The following ATRNL1 variants were observed in gnomAD, a reference collection of about 807,000 sequenced individuals.
ATRNL1 encodes attractin-like protein 1.
A neutral mutation model predicts 182.7 loss-of-function variants in ATRNL1; 95 were observed. That is an observed-to-expected ratio of 0.52 (90% confidence interval 0.44 to 0.62). ATRNL1 has a LOEUF of 0.62. Among genes scored for constraint, ATRNL1 ranks in the 20% least tolerant of loss-of-function variants. The probability of loss-of-function intolerance (pLI) is 0.00; values close to 1 mark genes in which losing one functional copy is unlikely to be tolerated. For synonymous variants in ATRNL1, 576 were observed against 568.3 expected (o/e 1.01, Z -0.19); for missense variants, 1,471 against 1,679.5 (o/e 0.88, Z 2.17).
At chr10:115,681,027 T>A (rs1593058077) in intron 26 of ATRNL1, among the ~76,000 whole-genome samples, 1 of 152,158 alleles carries the variant, frequency 6.6e-6, no homozygotes, top group Non-Finnish European at 1.5e-5. Flanking sequence ...TCTGCTTTAG[T>A]TGGCAGTCTA....
chr10:115,643,637 A>G (rs180930791), intron 26 of ATRNL1, among the ~76,000 whole-genome samples: 415 of 152,306 alleles, frequency 2.7e-3, no homozygotes, highest in African/African-American at 9.4e-3. Context: ...AAAAGATTTG[A>G]GTAGACACTT....
At chr10:115,394,546 A>C in intron 19 of ATRNL1, 113 bp from the exon 20 acceptor site, 1 of 767,266 alleles carries the variant, frequency 1.3e-6, no homozygotes, top group Non-Finnish European at 2.2e-6. Context: ...TAGTTTTTGG[A>C]TGGCAAGAGG....
intron 19 of ATRNL1, among the ~76,000 whole-genome samples, chr10:115,348,817 T>A (rs1198802389): frequency 1.4e-4 from 22 of 152,160 alleles, no homozygotes; most frequent in African/African-American, 5.1e-4. Context: ...CTTCAATATT[T>A]AAAAAAATAA....
At chr10:115,129,651 CT>C in intron 5 of ATRNL1, 116 bp downstream of exon 5, 1 of 718,732 alleles carries the variant, frequency 1.4e-6, no homozygotes, top group Middle Eastern at 3.1e-4. Context: ...TATATATTTA[CT>C]TTTATTTTTA....
At chr10:115,239,624 TTCC>T (rs1850329276) in intron 9 of ATRNL1, among the ~76,000 whole-genome samples, 1 of 152,134 alleles carries the variant, frequency 6.6e-6, no homozygotes, top group African/African-American at 2.4e-5. Context: ...TAGTGGCCTG[TTCC>T]TCTTAGAGTG....
intron 19 of ATRNL1, among the ~76,000 whole-genome samples, chr10:115,365,166 G>T (rs539269814): frequency 5.3e-5 from 8 of 152,124 alleles, no homozygotes; most frequent in Admixed American, 3.3e-4. Context: ...CTTTTTGGTT[G>T]GTAAACTACT....
chr10:115,931,757 A>G (rs578056585), intron 28 of ATRNL1, among the ~76,000 whole-genome samples: 3 of 152,186 alleles, frequency 2.0e-5, no homozygotes, highest in Non-Finnish European at 4.4e-5. Context: ...AATAGTTTCT[A>G]TCTCCATCCA....
chr10:115,639,426 A>G (rs924745941), intron 26 of ATRNL1, among the ~76,000 whole-genome samples: 25 of 152,220 alleles, frequency 1.6e-4, no homozygotes, highest in Non-Finnish European at 1.3e-4. Flanking sequence ...ATGACAAAGG[A>G]AAGTAATTTA....
chr10:115,140,511 T>C (rs2038277911), intron 5 of ATRNL1, among the ~76,000 whole-genome samples: 1 of 152,192 alleles, frequency 6.6e-6, no homozygotes, highest in Admixed American at 6.5e-5. Context: ...AATTTTTTCT[T>C]AATGTATTAC....
At chr10:115,534,028 G>T (rs1304601475) in intron 25 of ATRNL1, among the ~76,000 whole-genome samples, 2 of 150,966 alleles carry the variant, frequency 1.3e-5, no homozygotes, top group Non-Finnish European at 3.0e-5. Context: ...TTCCAAGTAT[G>T]TGGTCAATTT....
chr10:115,927,574 T>C (rs551836499), intron 28 of ATRNL1, among the ~76,000 whole-genome samples: 2 of 152,076 alleles, frequency 1.3e-5, no homozygotes, highest in Non-Finnish European at 2.9e-5. Context: ...GCTTCAACTA[T>C]ATATAAAAGC....
At position 115,503,251 on chromosome 10, in the gene ATRNL1, C is replaced by T. The variant is rs781056453; in HGVS notation, c.3655-16012C>T. Among the ~76,000 whole-genome samples the T allele has an allele frequency of 5.3e-4, 81 of 152,068 alleles. 1 individual carries two copies. Among genetic ancestry groups the T allele is most frequent in the Admixed American group, 2.4e-3 (37 of 15,260 alleles). ...AATAATAATGGCATAGGAATTGTTT[C>T]GATAAACTGTAAAATCTTTTAGGCC... On this transcript the variant is annotated intron_variant, in intron 24 of 28. Transcript: ENST00000355044.
intron 26 of ATRNL1, among the ~76,000 whole-genome samples, chr10:115,646,016 T>C (rs1859587182): frequency 7.2e-6 from 1 of 138,740 alleles, no homozygotes; most frequent in South Asian, 2.3e-4. Flanking sequence ...TTTGGTATGT[T>C]TTTACAAAAT....
intron 19 of ATRNL1, among the ~76,000 whole-genome samples, chr10:115,380,263 A>G (rs1318493551): frequency 6.6e-6 from 1 of 152,212 alleles, no homozygotes; most frequent in Non-Finnish European, 1.5e-5. Context: ...CTGTTTTTTC[A>G]AAGGTAATAA....
chr10:115,711,175 G>A (rs1187876780), intron 26 of ATRNL1, among the ~76,000 whole-genome samples: 5 of 152,014 alleles, frequency 3.3e-5, no homozygotes, highest in Non-Finnish European at 1.5e-5. Flanking sequence ...CATGCTGCAG[G>A]ACATAACTTT....
intron 19 of ATRNL1, among the ~76,000 whole-genome samples, chr10:115,387,874 C>T (rs920692528): frequency 1.3e-5 from 2 of 152,086 alleles, no homozygotes; most frequent in Admixed American, 6.5e-5. Context: ...TCTGATCACT[C>T]GTATCACTAC....
Position 115,176,591 on chromosome 10 carries a change from C to G in ATRNL1, c.1348+5299C>G, listed in dbSNP as rs371463395. Among the ~76,000 whole-genome samples the G allele has an allele frequency of 1.6e-3, 239 of 152,008 alleles. 1 individual carries two copies. Among genetic ancestry groups the G allele is most frequent in the African/African-American group, 5.5e-3 (228 of 41,490 alleles). ...AGAGTGTGAGATAAAAGAGAGGAACCAAGGGTGATTCCAAAATTTTGGGCC... is the reference window on the plus strand; with the variant it reads ...AGAGTGTGAGATAAAAGAGAGGAACGAAGGGTGATTCCAAAATTTTGGGCC... On this transcript the variant is annotated intron_variant, in intron 8 of 28. Transcript: ENST00000355044.
chr10:115,221,601 C>A (rs1000134672), intron 9 of ATRNL1, among the ~76,000 whole-genome samples: 2 of 152,108 alleles, frequency 1.3e-5, no homozygotes, highest in East Asian at 3.9e-4. Flanking sequence ...ACAAGACAGG[C>A]ATTTTGTGTA....
At chr10:115,736,954 A>T (rs1287092848) in intron 27 of ATRNL1, among the ~76,000 whole-genome samples, 2 of 151,624 alleles carry the variant, frequency 1.3e-5, no homozygotes, top group African/African-American at 4.8e-5. Flanking sequence ...TTTCAAACTC[A>T]GTTTTCTTAC....
Sources: allele counts gnomAD v4.1 joint callset (sites outside exome capture counted in the v4.1 genomes callset), GRCh38; gene constraint gnomAD v4.1.1; transcripts MANE v1.5; gene names NCBI Gene and HGNC (gene_info 2026-07-23, HGNC 2026-07-21).